Variants in DNAH5 observed in about 807,000 individuals in gnomAD.
DNAH5 encodes dynein axonemal heavy chain 5.
A neutral mutation model predicts 518.2 loss-of-function variants in DNAH5; 372 were observed. The ratio of observed to expected loss-of-function variants is 0.72; its 90% CI spans 0.66 to 0.78. The LOEUF (loss-of-function observed/expected upper bound fraction) is 0.78, where lower values mean the gene tolerates loss of function less well. Ranked by LOEUF, DNAH5 falls within the 30% of genes least tolerant of loss-of-function variation. DNAH5 has a pLI of 0.00. For synonymous variants in DNAH5, 2,039 were observed against 2,025.9 expected, an observed-to-expected ratio of 1.01 and a Z score of -0.17; for missense variants, 5,523 against 5,687.0, an observed-to-expected ratio of 0.97 and a Z score of 0.93.
At chr5:13,990,352 A>G (rs1783440119) in intron 1 of DNAH5, among the ~76,000 whole-genome samples, 1 of 151,592 alleles carries the variant, frequency 6.6e-6, no homozygotes, top group South Asian at 2.1e-4. Flanking sequence ...GGAGATAGAG[A>G]CCATCCTGGC....
At chr5:13,831,177 C>T (rs1194276958) in intron 35 of DNAH5, among the ~76,000 whole-genome samples, 1 of 152,166 alleles carries the variant, frequency 6.6e-6, no homozygotes, top group East Asian at 1.9e-4. Context: ...AGATCGGGAT[C>T]CTTTCAAATA....
At chr5:13,863,044 T>A (rs759764265) in intron 28 of DNAH5, among the ~76,000 whole-genome samples, 1 of 152,172 alleles carries the variant, frequency 6.6e-6, no homozygotes, top group South Asian at 2.1e-4. Context: ...CAAATCACTT[T>A]TAAATTTTGA....
At chr5:13,797,300 C>G (rs563893523) in intron 47 of DNAH5, among the ~76,000 whole-genome samples, 18 of 152,190 alleles carry the variant, frequency 1.2e-4, no homozygotes, top group Non-Finnish European at 2.1e-4. Flanking sequence ...GCAATCTACC[C>G]ATCTGAAAAA....
chr5:13,861,952 CAAAAAAAAA>C (rs59674964), intron 29 of DNAH5, among the ~76,000 whole-genome samples: 1 of 49,514 alleles, frequency 2.0e-5, no homozygotes, highest in Non-Finnish European at 3.3e-5. Context: ...GATTCCATCT[CAAAAAAAAA>C]AAAAAAAAAA....
chr5:13,900,496 T>C, intron 14 of DNAH5, 84 bp from the exon 15 acceptor site: 1 of 1,125,286 alleles, frequency 8.9e-7, no homozygotes, highest in South Asian at 1.3e-5. Context: ...GGAATAAGGA[T>C]CATTAAATGT....
rs2151953583 is a variant in DNAH5, at chr5:13,894,764, A to G, written c.2317T>C (p.Leu773=). 6.2e-7 allele frequency: 1 copy of G among 1,614,150 alleles called. No homozygotes were observed. Among genetic ancestry groups the G allele is most frequent in the Non-Finnish European group, 8.5e-7 (1 of 1,179,976 alleles). Residue 773 remains leucine, a synonymous_variant, in exon 16 of 79, where the codon TTG becomes CTG. Transcript: ENST00000265104. ...ACTTTGGCCAAGTGAGGGACAATCA[A>G]TTGCTCAATGGCAGCAGGTATTTTT... The part of the protein sequence containing the change: ...KSKIPAAIEQ[L]IVPHLAKVDE...
rs575438906 is a variant in DNAH5, at chr5:13,901,237, A to C, written c.2052+15T>G. ...TGATTCCAACAATGGGAAGAGTATA[A>C]ATTTAGGGACTCACTTGCCGAAGCC... is the stretch of plus-strand genomic sequence containing the variant. On this transcript the variant is annotated intron_variant, in intron 14 of 78. Transcript: ENST00000265104. The C allele has an allele frequency of 6.2e-7, 1 of 1,611,626 alleles. No homozygotes were observed. The highest frequency in any genetic ancestry group is 1.1e-5 in the South Asian group (1 of 91,054).
intron 1 of DNAH5, among the ~76,000 whole-genome samples, chr5:13,985,112 G>A (rs1379839575): frequency 6.6e-6 from 1 of 152,094 alleles, no homozygotes; most frequent in Non-Finnish European, 1.5e-5. Context: ...AAAATGATGA[G>A]TTCGTGTCCT....
At chr5:13,716,908 C>T (rs1319749474) in intron 73 of DNAH5, among the ~76,000 whole-genome samples, 1 of 152,138 alleles carries the variant, frequency 6.6e-6, no homozygotes, top group Non-Finnish European at 1.5e-5. Flanking sequence ...TTGATGCATT[C>T]GTATGTTTTC....
intron 1 of DNAH5, among the ~76,000 whole-genome samples, chr5:14,007,227 C>T (rs987247051): frequency 6.6e-5 from 10 of 152,228 alleles, no homozygotes; most frequent in African/African-American, 2.2e-4. Flanking sequence ...TTGTAATGAA[C>T]AATCAGATGG....
intron 53 of DNAH5, among the ~76,000 whole-genome samples, chr5:13,778,492 A>G (rs1328630093): frequency 1.2e-4 from 7 of 58,912 alleles, no homozygotes; most frequent in African/African-American, 2.6e-4. Flanking sequence ...GGAAGGAAGG[A>G]AGGAAGGGAG....
At chr5:13,748,177 T>A (rs1045710700) in intron 65 of DNAH5, among the ~76,000 whole-genome samples, 25 of 152,214 alleles carry the variant, frequency 1.6e-4, no homozygotes, top group Non-Finnish European at 3.2e-4. Flanking sequence ...TTGTCAAAGA[T>A]CAGATAGTTG....
chr5:13,781,844 C>T (rs1158802545), intron 52 of DNAH5, among the ~76,000 whole-genome samples: 1 of 152,116 alleles, frequency 6.6e-6, no homozygotes, highest in Admixed American at 6.5e-5. Context: ...TGAGCATAAA[C>T]ACCCTCCTAT....
Position 13,886,036 on chromosome 5 carries a change from C to T in DNAH5, c.2671G>A (p.Glu891Lys), listed in dbSNP as rs1772380987. 2 of 1,612,716 alleles carry T rather than the reference C, an allele frequency of 1.2e-6. No individual in the cohort carries two copies. Among genetic ancestry groups the T allele is most frequent in the African/African-American group, 1.3e-5 (1 of 74,832 alleles). The change falls in exon 18 of 79, where the codon GAA becomes AAA. Residue 891 changes from glutamate to lysine, a missense_variant. Physicochemically the swap from Glu to Lys is moderately conservative, Grantham distance 56. Around this residue, in one of 3 missense-constraint regions of DNAH5, gnomAD observed 5,121 missense variants for 5,223.3 expected, o/e 0.98. Coordinates refer to ENST00000265104, the MANE Select transcript of DNAH5 (RefSeq NM_001369.3). ...TCACTTTCTTCTTCAGATAAAACTT[C>T]CACATCCAGCAACATATTTACAAGC... is the stretch of plus-strand genomic sequence containing the variant. The part of the protein sequence containing the change: ...NELVNMLLDV[E>K]VLSEEESEKI...
chr5:13,923,061 T>A (rs972227148), intron 4 of DNAH5, among the ~76,000 whole-genome samples: 9 of 152,218 alleles, frequency 5.9e-5, no homozygotes, highest in Non-Finnish European at 1.3e-4. Context: ...GAAGGTTATA[T>A]CAATTTGTGT....
At chr5:13,953,759 G>A (rs563122141) in intron 1 of DNAH5, among the ~76,000 whole-genome samples, 2 of 152,268 alleles carry the variant, frequency 1.3e-5, no homozygotes, top group African/African-American at 4.8e-5. Context: ...CCAGGCTAGA[G>A]TGCAATGGCG....
At chr5:13,803,055 T>A (rs963093522) in intron 47 of DNAH5, among the ~76,000 whole-genome samples, 1 of 152,130 alleles carries the variant, frequency 6.6e-6, no homozygotes, top group Non-Finnish European at 1.5e-5. Flanking sequence ...TGAAAGCAAT[T>A]CATGAGCTTA....
chr5:13,908,506 C>CT (rs1004841090), intron 12 of DNAH5, among the ~76,000 whole-genome samples: 9 of 152,192 alleles, frequency 5.9e-5, no homozygotes, highest in Admixed American at 5.9e-4. Context: ...CTAGACTTTT[C>CT]TTGTTCTGAG....
At chr5:13,783,433 T>C (rs530633588) in intron 52 of DNAH5, among the ~76,000 whole-genome samples, 3 of 152,210 alleles carry the variant, frequency 2.0e-5, no homozygotes, top group Admixed American at 6.5e-5. Flanking sequence ...AGTCTTCTGA[T>C]AGGGAGACAA....
Sources: allele counts gnomAD v4.1 joint callset (sites outside exome capture counted in the v4.1 genomes callset), GRCh38; gene constraint gnomAD v4.1.1; regional missense constraint gnomAD v4.1.1; transcripts MANE v1.5; gene names NCBI Gene and HGNC (gene_info 2026-07-23, HGNC 2026-07-21).